The following ASS1 variants were observed in gnomAD, a reference collection of about 807,000 sequenced individuals.
The protein encoded by ASS1 is argininosuccinate synthase 1.
ASS1 carries 58 observed loss-of-function variants against 60.5 expected under a neutral mutation model. The observed-to-expected ratio is 0.96, with a 90% confidence interval of 0.78 to 1.19. The LOEUF is 1.19. Among genes scored for constraint, ASS1 ranks in the 50% most tolerant of loss-of-function variants. The pLI, the probability that ASS1 is intolerant of heterozygous loss-of-function variation, is 0.00. For missense variants in ASS1, 454 were observed against 547.3 expected, an observed-to-expected ratio of 0.83 and a Z score of 1.70; for synonymous variants, 200 against 206.9, an observed-to-expected ratio of 0.97 and a Z score of 0.29.
At chr9:130,487,702 T>C (rs1247049652) in intron 11 of ASS1, among the ~76,000 whole-genome samples, 1 of 152,100 alleles carries the variant, frequency 6.6e-6, no homozygotes, top group African/African-American at 2.4e-5. Flanking sequence ...CTGGCCTTTG[T>C]CACTTAGCGT....
At position 130,494,809 on chromosome 9, in the gene ASS1, C is replaced by T; in HGVS notation, c.971-58C>T. 6.2e-7 allele frequency: 1 copy of T among 1,604,648 alleles called. No individual in the cohort carries two copies. ...GCACCCTTCCTGTGCCCCAGGTCTC[C>T]CTGTGTCCTCGCGGTGCAGGAGGCC... is the stretch of plus-strand genomic sequence containing the variant. On this transcript the variant is annotated intron_variant, in intron 12 of 14. Coordinates refer to ENST00000352480, the MANE Select transcript of ASS1 (RefSeq NM_054012.4). The surrounding 1 kb of genome is among the most constrained non-coding windows in gnomAD (Gnocchi z 4.3).
In ASS1 at chr9:130,501,034, T is replaced by A. The variant is rs756163177; in HGVS notation, c.*13T>A. 24 of 1,611,070 alleles carry A rather than the reference T, an allele frequency of 1.5e-5. No homozygotes were observed. The highest frequency in any genetic ancestry group is 2.0e-5 in the Non-Finnish European group (24 of 1,178,906). ...CACTGCCAAATAGACCCGTGTACAA[T>A]GAGGAGCTGGGGCCTCCTCAATTTG... On this transcript the variant is annotated 3_prime_UTR_variant, in exon 15 of 15. Transcript: ENST00000352480.
intron 1 of ASS1, among the ~76,000 whole-genome samples, chr9:130,449,815 C>T (rs763354516): frequency 3.3e-5 from 5 of 152,074 alleles, no homozygotes; most frequent in Non-Finnish European, 7.4e-5. Context: ...CGCATCCGCA[C>T]GCCGAAACTT....
At chr9:130,480,007 AC>A in intron 10 of ASS1, 1 of 727,278 alleles carries the variant, frequency 1.4e-6, no homozygotes, top group Non-Finnish European at 2.5e-6. Flanking sequence ...GAAGATAACA[AC>A]CCCAGGAGGT....
chr9:130,487,827 T>C (rs1265487836), intron 11 of ASS1, among the ~76,000 whole-genome samples: 1 of 152,038 alleles, frequency 6.6e-6, no homozygotes, highest in Non-Finnish European at 1.5e-5. Flanking sequence ...ATCAGCTCAC[T>C]GCAACCTCTG....
intron 11 of ASS1, among the ~76,000 whole-genome samples, chr9:130,485,381 C>T (rs1285570139): frequency 6.6e-6 from 1 of 152,172 alleles, no homozygotes; most frequent in African/African-American, 2.4e-5. Flanking sequence ...AGAGAGGGGG[C>T]TGAGACCGGC....
chr9:130,497,272 C>T (rs913886887), intron 13 of ASS1, among the ~76,000 whole-genome samples: 14 of 152,138 alleles, frequency 9.2e-5, no homozygotes, highest in Non-Finnish European at 1.3e-4. Context: ...ACTGTGTCTC[C>T]GACCATTTCC....
chr9:130,451,790 G>C (rs745403733), intron 1 of ASS1: 2 of 457,088 alleles, frequency 4.4e-6, no homozygotes, highest in South Asian at 1.6e-5. Flanking sequence ...GGCCCTGCCT[G>C]GTGCTTGGCA....
At chr9:130,445,263 A>G (rs956154071) in intron 1 of ASS1, 1 of 958,858 alleles carries the variant, frequency 1.0e-6, no homozygotes, top group Non-Finnish European at 1.2e-6. Context: ...CCCGGGTCCG[A>G]AGAGCGGCTC....
At position 130,494,970 on chromosome 9, in the gene ASS1, G is replaced by C; in HGVS notation, c.1074G>C (p.Val358=). The C allele has an allele frequency of 6.2e-7, 1 of 1,613,604 alleles. No individual in the cohort carries two copies. The change falls in exon 13 of 15, where the codon GTG becomes GTC. Residue 358 remains valine (V), a synonymous_variant. Transcript: ENST00000352480. This position sits in a 1 kb window ranked among gnomAD's most constrained non-coding sequence, Gnocchi z 4.3. ...AGGTGTCCGTCCTCAAGGGCCAGGT[G>C]TACATCCTCGGCCGGGAGTCCCCAC... ...KVQVSVLKGQ[V]YILGRESPLS... is the part of the protein sequence containing the mutation.
At chr9:130,463,114 C>T (rs990041593) in intron 4 of ASS1, among the ~76,000 whole-genome samples, 2 of 152,262 alleles carry the variant, frequency 1.3e-5, no homozygotes, top group Non-Finnish European at 2.9e-5. Context: ...TCTGTGCCAC[C>T]TGACGAGAGT....
At position 130,471,317 on chromosome 9, in the gene ASS1, G is replaced by A. The variant is rs541447833; in HGVS notation, c.567-168G>A. Among the ~76,000 whole-genome samples the A allele has an allele frequency of 4.6e-5, 7 of 152,330 alleles. No individual in the cohort carries two copies. The South Asian group carries it at 1.0e-3, about 23-fold the overall frequency. ...TCTTTCTTACAACCTGCAGCTCCAC[G>A]GGTGACTATGGTGGGCCCAGAATGT... On this transcript the variant is annotated intron_variant, in intron 7 of 14. Transcript: ENST00000352480.
At chr9:130,446,090 G>C (rs996752814) in intron 1 of ASS1, among the ~76,000 whole-genome samples, 2 of 152,178 alleles carry the variant, frequency 1.3e-5, no homozygotes, top group Non-Finnish European at 2.9e-5. Flanking sequence ...GGGCTCAAGC[G>C]ACCCTCCTCC....
At chr9:130,500,110 G>C (rs541444102) in intron 14 of ASS1, among the ~76,000 whole-genome samples, 1 of 152,246 alleles carries the variant, frequency 6.6e-6, no homozygotes, top group East Asian at 1.9e-4. Flanking sequence ...GGTTCAATAT[G>C]AGCCTGTGGA....
Position 130,452,211 on chromosome 9 carries a change from C to G in ASS1, c.-5-13C>G, listed in dbSNP as rs558748093. On this transcript the variant is annotated splice_polypyrimidine_tract_variant and intron_variant, in intron 1 of 14. Transcript: ENST00000352480. ...TCTCAGGGTCACTCAGGTTGTTCCT[C>G]GACTCCCGCCAGACGCTATGTCCAG... The G allele has an allele frequency of 4.3e-6, 7 of 1,612,236 alleles. No individual in the cohort carries two copies. Among genetic ancestry groups the G allele is most frequent in the Middle Eastern group, 1.7e-4 (1 of 6,038 alleles).
At chr9:130,457,172 T>C (rs1845467103) in intron 3 of ASS1, among the ~76,000 whole-genome samples, 1 of 152,232 alleles carries the variant, frequency 6.6e-6, no homozygotes, top group East Asian at 1.9e-4. Flanking sequence ...TGTAGCGGTT[T>C]TCTGCATTCA....
At chr9:130,481,545 G>T (rs1183102220) in intron 11 of ASS1, among the ~76,000 whole-genome samples, 1 of 152,188 alleles carries the variant, frequency 6.6e-6, no homozygotes, top group Non-Finnish European at 1.5e-5. Context: ...CAGAAGAAAA[G>T]GGTGGTGGTC....
At position 130,499,538 on chromosome 9, in the gene ASS1, T is replaced by C. The variant is rs1193686175; in HGVS notation, c.1161T>C (p.Asp387=). ...MNVQGDYEPT[D]ATGFININSL... ...TGCAGGGTGATTATGAGCCAACTGA[T>C]GCCACCGGGTTCATCAACATCAATT... The change falls in exon 14 of 15, where the codon GAT becomes GAC. Residue 387 remains aspartate (D), a synonymous_variant. Transcript: ENST00000352480. 3.7e-6 allele frequency: 6 copies of C among 1,613,874 alleles called. No homozygotes were observed. Among genetic ancestry groups the C allele is most frequent in the Non-Finnish European group, 5.1e-6 (6 of 1,179,914 alleles).
intron 11 of ASS1, among the ~76,000 whole-genome samples, chr9:130,487,181 G>C (rs11243500): frequency 2.6e-5 from 4 of 152,196 alleles, no homozygotes; most frequent in Admixed American, 1.3e-4. Context: ...TTCTGCCGCA[G>C]GCTGTTTGAA....
Sources: gnomAD v4.1 joint callset for allele counts (sites outside exome capture counted in the v4.1 genomes callset) on GRCh38, gnomAD v4.1.1 for gene constraint, Gnocchi (gnomAD v3.1) non-coding constraint, MANE v1.5 for transcripts, NCBI Gene and HGNC (gene_info 2026-07-23, HGNC 2026-07-21) for gene names.